Variants in ZNF10 observed in about 807,000 individuals in gnomAD.
ZNF10 encodes zinc finger protein 10, also known as zinc finger protein 10 (KOX 1).
A neutral mutation model predicts 12.2 loss-of-function variants in ZNF10; 8 were observed. The observed-to-expected ratio is 0.66, with a 90% CI of 0.39 to 1.18. The LOEUF is 1.18. Ranked by LOEUF, ZNF10 falls within the 50% of genes most tolerant of loss-of-function variation. The pLI is 0.01. For synonymous variants in ZNF10, 229 were observed against 228.2 expected (o/e 1.00, Z -0.03); for missense variants, 603 against 678.9 (o/e 0.89, Z 1.24).
chr12:133,156,249 C>G lies in ZNF10; in HGVS notation c.1003C>G (p.His335Asp). 6.2e-7 allele frequency: 1 copy of G among 1,614,128 alleles called. No homozygotes were observed. Reference protein sequence around the residue: ...ECGKSFSWFSHLVTHQRTHTG... With the variant: ...ECGKSFSWFSDLVTHQRTHTG... ...TGGAAAATCCTTCAGCTGGTTCTCT[C>G]ACCTTGTTACTCATCAGAGAACTCA... The change falls in exon 5 of 5, where the codon CAC (histidine) becomes GAC (aspartate). Residue 335 changes from histidine (H) to aspartate (D), a missense_variant. Transcript: ENST00000248211.
At chr12:133,131,925 T>C (rs1955880411) in intron 1 of ZNF10, among the ~76,000 whole-genome samples, 1 of 152,194 alleles carries the variant, frequency 6.6e-6, no homozygotes, top group Middle Eastern at 3.2e-3. Context: ...GAGGCTTACC[T>C]TCTGGAAAAG....
At chr12:133,138,909 C>A (rs1006560886) in intron 1 of ZNF10, among the ~76,000 whole-genome samples, 7 of 152,228 alleles carry the variant, frequency 4.6e-5, no homozygotes, top group Non-Finnish European at 1.0e-4. Flanking sequence ...GGCATTCTGA[C>A]TCCTTAAAAG....
intron 1 of ZNF10, among the ~76,000 whole-genome samples, chr12:133,131,964 T>C (rs1474981321): frequency 2.0e-5 from 3 of 152,192 alleles, no homozygotes; most frequent in Non-Finnish European, 4.4e-5. Flanking sequence ...TGTTAATTAA[T>C]TAACTAATTA....
intron 4 of ZNF10, among the ~76,000 whole-genome samples, chr12:133,153,056 T>A (rs1446667659): frequency 6.6e-6 from 1 of 152,132 alleles, no homozygotes; most frequent in African/African-American, 2.4e-5. Context: ...TTTTATTACT[T>A]ACCTTCTTTC....
In ZNF10 at chr12:133,156,479, A is replaced by G. The variant is rs753505190; in HGVS notation, c.1233A>G (p.Gly411=). The G allele has an allele frequency of 1.9e-6, 3 of 1,613,914 alleles. No homozygotes were observed. The highest frequency in any genetic ancestry group is 1.7e-6 in the Non-Finnish European group (2 of 1,179,898). ...RVRPYECNEC[G]KSYSQRSHLV... ...GGCCCTATGAATGCAATGAATGTGG[A>G]AAGTCTTACAGCCAGAGATCTCACC... is the stretch of plus-strand genomic sequence containing the variant. The change falls in exon 5 of 5, where the codon GGA becomes GGG. Residue 411 remains glycine, a synonymous_variant. Coordinates refer to ENST00000248211, the MANE Select transcript of ZNF10 (RefSeq NM_015394.5).
rs141364012 is a variant in ZNF10, at chr12:133,146,795, G to A, written c.33+2270G>A. ...CAGGGAACAGAGGTTGCACTGAGCC[G>A]AGATTGTGCCACTTCACTCTACCCT... On this transcript the variant is annotated intron_variant, in intron 2 of 4. Coordinates refer to ENST00000248211, the MANE Select transcript of ZNF10 (RefSeq NM_015394.5). 4.9e-3 allele frequency among the ~76,000 whole-genome samples: 752 copies of A among 151,994 alleles called. 7 individuals carry two copies. The highest frequency in any genetic ancestry group is 0.017 in the African/African-American group (697 of 41,472).
At position 133,152,051 on chromosome 12, in the gene ZNF10, C is replaced by T. The variant is rs989485687; in HGVS notation, c.256+147C>T. Reference sequence around the variant, plus strand: ...TATCTGGCCCCTGTTTCCCCACTGCCAGTCTTTACATTCCATTTGCATTCA... The same window carrying T: ...TATCTGGCCCCTGTTTCCCCACTGCTAGTCTTTACATTCCATTTGCATTCA... On this transcript the variant is annotated intron_variant, in intron 4 of 4. Coordinates refer to ENST00000248211, the MANE Select transcript of ZNF10 (RefSeq NM_015394.5). 76 of 607,768 alleles carry T rather than the reference C, an allele frequency of 1.3e-4. No individual in the cohort carries two copies. The East Asian group carries it at 2.1e-3, about 17-fold the overall frequency. The allele number at this position is 607,768 out of a possible 1,614,324, so 37.6% of individuals were successfully genotyped here. A position where few individuals can be genotyped will look rare whatever the true frequency, so the allele number is the denominator to read the frequency against.
At chr12:133,149,390 C>T (rs1367178022) in intron 2 of ZNF10, among the ~76,000 whole-genome samples, 9 of 126,170 alleles carry the variant, frequency 7.1e-5, no homozygotes, top group South Asian at 2.8e-4. Context: ...CAGGTTCTCA[C>T]TCTGTTGCAC....
At chr12:133,153,426 T>G (rs1956019907) in intron 4 of ZNF10, among the ~76,000 whole-genome samples, 2 of 152,176 alleles carry the variant, frequency 1.3e-5, no homozygotes, top group African/African-American at 4.8e-5. Context: ...AACTCTCCAC[T>G]CAGAATTGTC....
At chr12:133,147,892 C>G (rs1416857868) in intron 2 of ZNF10, among the ~76,000 whole-genome samples, 2 of 151,866 alleles carry the variant, frequency 1.3e-5, no homozygotes, top group African/African-American at 2.4e-5. Context: ...CGAGGCCTGC[C>G]TTGGCCTCCC....
chr12:133,130,821 T>A (rs1300916693), intron 1 of ZNF10, 67 bp downstream of exon 1: 2 of 152,294 alleles, frequency 1.3e-5, no homozygotes, highest in African/African-American at 4.8e-5. Context: ...CCTTTAGTAA[T>A]GTAGCAGTGT....
rs1005401840 is a variant in ZNF10 at position 133,157,201 on chromosome 12, A to G, written c.*233A>G. ...TTCCTACAGAAGTAATTGGCCTGAG[A>G]GCATTCTTGACCAAGTCTTAAATGC... On this transcript the variant is annotated 3_prime_UTR_variant, in exon 5 of 5. Transcript: ENST00000248211. The G allele has an allele frequency of 1.7e-5, 6 of 355,544 alleles. No individual in the cohort carries two copies. Among genetic ancestry groups the G allele is most frequent in the African/African-American group, 2.1e-5 (1 of 47,736 alleles). 22.0% of individuals were successfully genotyped at this position (355,544 alleles called of 1,614,324 possible).
At chr12:133,131,218 G>T (rs373745564) in intron 1 of ZNF10, among the ~76,000 whole-genome samples, 13 of 151,646 alleles carry the variant, frequency 8.6e-5, no homozygotes, top group Admixed American at 7.2e-4. Flanking sequence ...TCTTTGTTTT[G>T]TTTTTTAATC....
intron 2 of ZNF10, among the ~76,000 whole-genome samples, chr12:133,146,845 C>CA (rs1167335541): frequency 9.6e-4 from 139 of 144,970 alleles, no homozygotes; most frequent in East Asian, 6.2e-3. Context: ...AACTCCATCT[C>CA]AAAAAAAAAA....
chr12:133,136,869 A>G (rs1955915189), intron 1 of ZNF10, among the ~76,000 whole-genome samples: 1 of 152,182 alleles, frequency 6.6e-6, no homozygotes, highest in African/African-American at 2.4e-5. Flanking sequence ...TTCAGATAGA[A>G]TACAGATATG....
chr12:133,139,319 G>A (rs1256960764), intron 1 of ZNF10: 2 of 152,212 alleles, frequency 1.3e-5, no homozygotes, highest in Non-Finnish European at 2.9e-5. Context: ...GACAAGAAAA[G>A]GAAGAACATA....
At chr12:133,153,547 G>C (rs948341281) in intron 4 of ZNF10, among the ~76,000 whole-genome samples, 1 of 152,100 alleles carries the variant, frequency 6.6e-6, no homozygotes, top group Admixed American at 6.6e-5. Context: ...GTTCTGGGTT[G>C]GGGAAAGGGA....
At chr12:133,143,590 A>ATAACT (rs1248399295) in intron 1 of ZNF10, 1 of 152,248 alleles carries the variant, frequency 6.6e-6, no homozygotes, top group Non-Finnish European at 1.5e-5. Context: ...TACACAAACG[A>ATAACT]GTAAACAGCA....
At chr12:133,154,860 T>G (rs1233294450) in intron 4 of ZNF10, among the ~76,000 whole-genome samples, 2 of 152,166 alleles carry the variant, frequency 1.3e-5, no homozygotes, top group East Asian at 3.9e-4. Flanking sequence ...GTGGATCACC[T>G]GAAGTCAGGA....
Sources: gnomAD v4.1 joint callset for allele counts (sites outside exome capture counted in the v4.1 genomes callset) on GRCh38, gnomAD v4.1.1 for gene constraint, MANE v1.5 for transcripts, NCBI Gene and HGNC (gene_info 2026-07-23, HGNC 2026-07-21) for gene names.